Variants in SCN1B observed in about 807,000 individuals in gnomAD.
SCN1B encodes the protein sodium channel regulatory subunit beta-1.
Under a neutral mutation model 25.7 loss-of-function variants are expected in SCN1B, and 11 were observed. The observed-to-expected ratio is 0.43, with a 90% CI of 0.27 to 0.71. The LOEUF (loss-of-function observed/expected upper bound fraction) is 0.71, where lower values mean the gene tolerates loss of function less well. Among genes scored for constraint, SCN1B ranks in the 30% least tolerant of loss-of-function variants. SCN1B has a pLI of 0.21. For synonymous variants in SCN1B, 119 were observed against 117.5 expected (o/e 1.01, Z -0.08); for missense variants, 224 against 291.5 (o/e 0.77, Z 1.69).
In SCN1B at chr19:35,040,399, G is replaced by A. The variant is rs1459045163; in HGVS notation, c.*608G>A. 2 of 154,020 alleles carry A rather than the reference G, an allele frequency of 1.3e-5. No homozygotes were observed. The highest frequency in any genetic ancestry group is 2.4e-5 in the African/African-American group (1 of 41,436). 9.5% of individuals were successfully genotyped at this position (154,020 alleles called of 1,614,324 possible). A position where few individuals can be genotyped will look rare whatever the true frequency, so the allele number is the denominator to read the frequency against. ...CCTAGAAAGGGGCCCATTCAGCCTC[G>A]TCTCTTTACAGAAGTAGTTTTGTTC... On this transcript the variant is annotated 3_prime_UTR_variant, in exon 6 of 6. Coordinates refer to ENST00000262631, the MANE Select transcript of SCN1B (RefSeq NM_001037.5).
At chr19:35,033,924 C>T (rs1276750870) in intron 3 of SCN1B, 185 bp downstream of exon 3, 5 of 1,563,870 alleles carry the variant, frequency 3.2e-6, no homozygotes, top group Non-Finnish European at 4.3e-6. Flanking sequence ...TGTTTCTCTC[C>T]AGCCCACGGA....
Position 35,030,786 on chromosome 19 carries a change from G to A in SCN1B, c.-35G>A. On this transcript the variant is annotated 5_prime_UTR_variant, in exon 1 of 6. Transcript: ENST00000262631. ...TCTCGCCCCGCTATTAATACCGGCG[G>A]CCCGGGAGGGGGGCGCAGCACGCGC... 1 of 938,180 alleles carries A rather than the reference G, an allele frequency of 1.1e-6. No individual in the cohort carries two copies. Among genetic ancestry groups the A allele is most frequent in the Non-Finnish European group, 1.4e-6 (1 of 706,448 alleles). 58.1% of individuals were successfully genotyped at this position (938,180 alleles called of 1,614,324 possible). A position where few individuals can be genotyped will look rare whatever the true frequency, so the allele number is the denominator to read the frequency against.
chr19:35,039,350 C>T lies in SCN1B; in HGVS notation c.590+92C>T, dbSNP rs72550244. On this transcript the variant is annotated intron_variant, in intron 4 of 5. Coordinates refer to ENST00000262631, the MANE Select transcript of SCN1B (RefSeq NM_001037.5). ...CGGAGCCCGGGCAGGGAGGAGGCAG[C>T]GGAGCGGCCCAGGGCGCCATCTCTC... 479 of 1,562,722 alleles carry T rather than the reference C, an allele frequency of 3.1e-4. 2 individuals are homozygous for T. In the African/African-American group the frequency reaches 5.8e-3, roughly 19 times the overall value.
intron 3 of SCN1B, 136 bp downstream of exon 3, chr19:35,033,875 A>G (rs1342414739): frequency 3.1e-6 from 5 of 1,604,112 alleles, no homozygotes; most frequent in South Asian, 2.2e-5. Context: ...GCTGAGGGGG[A>G]GGGGAGCAGC....
In SCN1B at chr19:35,039,627, C is replaced by T. The variant is rs758872596; in HGVS notation, c.591-8C>T. Reference sequence around the variant, plus strand: ...GGGGTCACTGTATACCTGGCCTTTCCCCCACAGCTCGGAATACCTGGCCAT... The same window carrying T: ...GGGGTCACTGTATACCTGGCCTTTCTCCCACAGCTCGGAATACCTGGCCAT... On this transcript the variant is annotated splice_region_variant and splice_polypyrimidine_tract_variant and intron_variant, in intron 4 of 5. Coordinates refer to ENST00000262631, the MANE Select transcript of SCN1B (RefSeq NM_001037.5). 12 of 1,614,164 alleles carry T rather than the reference C, an allele frequency of 7.4e-6. 1 individual carries two copies. In the South Asian group the frequency reaches 1.3e-4, roughly 18 times the overall value.
At chr19:35,039,068 G>GCTGT in intron 3 of SCN1B, 49 bp from the exon 4 acceptor site, 1 of 1,611,232 alleles carries the variant, frequency 6.2e-7, no homozygotes, top group Non-Finnish European at 8.5e-7. Context: ...GCACACTCAG[G>GCTGT]CTGTCATGCA....
At chr19:35,035,645 T>C (rs1001222519) in intron 3 of SCN1B, 5 of 152,106 alleles carry the variant, frequency 3.3e-5, no homozygotes, top group African/African-American at 1.2e-4. Flanking sequence ...TCCCACAGCC[T>C]GTGCTATTAC....
chr19:35,039,103 C>T lies in SCN1B; in HGVS notation c.449-14C>T, dbSNP rs1355096099. 6 of 1,614,116 alleles carry T rather than the reference C, an allele frequency of 3.7e-6. No individual in the cohort carries two copies. The highest frequency in any genetic ancestry group is 5.1e-6 in the Non-Finnish European group (6 of 1,180,002). On this transcript the variant is annotated splice_polypyrimidine_tract_variant and intron_variant, in intron 3 of 5. Transcript: ENST00000262631. ...AGCCTGGGCTACCCCCTTAACCCTG[C>T]CTGGCCCCTGCAGCCAACAGAGACA... is the stretch of plus-strand genomic sequence containing the variant.
chr19:35,034,076 G>A lies in SCN1B; in HGVS notation c.448+337G>A, dbSNP rs369032304. 2.7e-5 allele frequency: 42 copies of A among 1,551,628 alleles called. No individual in the cohort carries two copies. In the East Asian group the frequency reaches 8.8e-4, roughly 33 times the overall value. The stretch of plus-strand genomic sequence containing the variant: ...GGCTTGCCCGGGATAATAATCCGAT[G>A]TGTTTCTCGGGGTGTGGTTTGAGCC... On this transcript the variant is annotated intron_variant, in intron 3 of 5. Transcript: ENST00000262631.
chr19:35,039,736 G>C (rs750824714), intron 5 of SCN1B, 30 bp downstream of exon 5: 1 of 1,608,606 alleles, frequency 6.2e-7, no homozygotes, highest in Non-Finnish European at 8.5e-7. Context: ...AGAGGGGAAG[G>C]GGATTGGGAG....
At chr19:35,030,939 CG>C in intron 1 of SCN1B, 79 bp downstream of exon 1, 1 of 228,778 alleles carries the variant, frequency 4.4e-6, no homozygotes, top group Non-Finnish European at 8.1e-6. Context: ...GCTCGGGACA[CG>C]GGGCAGCCGC....
Position 35,030,636 on chromosome 19 carries a change from C to A in SCN1B, c.-185C>A, listed in dbSNP as rs1190446707. 1.8e-5 allele frequency: 3 copies of A among 164,146 alleles called. No homozygotes were observed. Among genetic ancestry groups the A allele is most frequent in the Non-Finnish European group, 3.9e-5 (3 of 77,506 alleles). 10.2% of individuals were successfully genotyped at this position (164,146 alleles called of 1,614,324 possible). A position where few individuals can be genotyped will look rare whatever the true frequency, so the allele number is the denominator to read the frequency against. On this transcript the variant is annotated 5_prime_UTR_variant, in exon 1 of 6. Coordinates refer to ENST00000262631, the MANE Select transcript of SCN1B (RefSeq NM_001037.5). ...CCGGACGCCGGGCCCCGGGGCTGGG[C>A]CCCCGGCGGTAACCGGAGCGGGGGG...
chr19:35,033,850 C>A lies in SCN1B; in HGVS notation c.448+111C>A. The A allele has an allele frequency of 6.2e-7, 1 of 1,611,426 alleles. No homozygotes were observed. The highest frequency in any genetic ancestry group is 8.5e-7 in the Non-Finnish European group (1 of 1,178,592). On this transcript the variant is annotated intron_variant, in intron 3 of 5. Transcript: ENST00000262631. ...CTGGCTCTGTGCCTGGCCAGCCAAC[C>A]GCCCACAGCAGCGGGCTGAGGGGGA...
intron 1 of SCN1B, chr19:35,031,774 G>T (rs2064215682): frequency 6.5e-6 from 1 of 153,928 alleles, no homozygotes; most frequent in African/African-American, 2.4e-5. Context: ...CAGAAAGGAG[G>T]TGCCAGGTAA....
chr19:35,030,787 C>T lies in SCN1B; in HGVS notation c.-34C>T. Reference sequence around the variant, plus strand: ...CTCGCCCCGCTATTAATACCGGCGGCCCGGGAGGGGGGCGCAGCACGCGCC... The same window carrying T: ...CTCGCCCCGCTATTAATACCGGCGGTCCGGGAGGGGGGCGCAGCACGCGCC... On this transcript the variant is annotated 5_prime_UTR_variant, in exon 1 of 6. Transcript: ENST00000262631. The T allele has an allele frequency of 1.0e-6, 1 of 960,152 alleles. No homozygotes were observed. The highest frequency in any genetic ancestry group is 1.4e-6 in the Non-Finnish European group (1 of 726,334). The allele number at this position is 960,152 out of a possible 1,614,324, so 59.5% of individuals were successfully genotyped here.
Position 35,033,505 on chromosome 19 carries a change from C to A in SCN1B, c.214C>A (p.Arg72Ser). The A allele has an allele frequency of 6.2e-7, 1 of 1,613,868 alleles. No homozygotes were observed. Among genetic ancestry groups the A allele is most frequent in the Non-Finnish European group, 8.5e-7 (1 of 1,179,938 alleles). ...CCTCCCTGGCTACCCCTAGATCCTG[C>A]GCTATGAGAATGAGGTGTTGCAGCT... The part of the protein sequence containing the change: ...KGTEEFVKIL[R>S]YENEVLQLEE... Residue 72 changes from arginine (R) to serine (S), a missense_variant, in exon 3 of 6, where the codon CGC becomes AGC. Around this residue, in one of 3 missense-constraint regions of SCN1B, gnomAD observed 126 missense variants for 204.9 expected, o/e 0.61. Coordinates refer to ENST00000262631, the MANE Select transcript of SCN1B (RefSeq NM_001037.5).
At position 35,034,126 on chromosome 19, in the gene SCN1B, G is replaced by C; in HGVS notation, c.448+387G>C. 4 of 1,551,434 alleles carry C rather than the reference G, an allele frequency of 2.6e-6. No individual in the cohort carries two copies. The Middle Eastern group carries it at 5.0e-4, about 194-fold the overall frequency. On this transcript the variant is annotated intron_variant, in intron 3 of 5. Transcript: ENST00000262631. ...CATTCTTCCATCATGGGGTTCATGA[G>C]GATTGAGCAGCTGCAGGCACACGCC... is the stretch of plus-strand genomic sequence containing the variant.
Position 35,031,471 on chromosome 19 carries a change from T to A in SCN1B, c.40+611T>A, listed in dbSNP as rs192894654. On this transcript the variant is annotated intron_variant, in intron 1 of 5. Transcript: ENST00000262631. ...AGAGAGAGGGAGATGCGGGTGCCCG[T>A]GAACACCGGGAGAGAATCTTGCATG... is the stretch of plus-strand genomic sequence containing the variant. 2.6e-3 allele frequency: 397 copies of A among 152,066 alleles called. 2 individuals carry two copies. The highest frequency in any genetic ancestry group is 4.2e-3 in the Admixed American group (64 of 15,246). The allele number at this position is 152,066 out of a possible 1,614,324, so 9.4% of individuals were successfully genotyped here.
At chr19:35,033,987 C>T in intron 3 of SCN1B, 2 of 1,551,498 alleles carry the variant, frequency 1.3e-6, no homozygotes, top group South Asian at 1.2e-5. Flanking sequence ...GAACCCAGCT[C>T]TGTCACCTGT....
Sources: gnomAD v4.1 joint callset for allele counts on GRCh38, gnomAD v4.1.1 for gene constraint, gnomAD v4.1.1 regional missense constraint, MANE v1.5 for transcripts, NCBI Gene and HGNC (gene_info 2026-07-23, HGNC 2026-07-21) for gene names.